GFRA1: variants seen among roughly 807,000 people sequenced by gnomAD.
GFRA1 encodes the protein GDNF family receptor alpha-1.
Under a neutral mutation model 51.6 loss-of-function variants are expected in GFRA1, and 16 were observed. The ratio of observed to expected loss-of-function variants is 0.31; its 90% CI spans 0.21 to 0.47. The LOEUF is 0.47. GFRA1 is among the 20% of genes least tolerant of loss of function. GFRA1 has a pLI of 1.00. For synonymous variants in GFRA1, 270 were observed against 241.3 expected (o/e 1.12, Z -1.10); for missense variants, 530 against 594.3 (o/e 0.89, Z 1.13).
Position 116,211,696 on chromosome 10 carries a change from G to A in GFRA1, c.419-51C>T, listed in dbSNP as rs186315190. The stretch of plus-strand genomic sequence containing the variant: ...GAGGGGAGAGGGGAGAAAGAGAGGA[G>A]AAAAAATATTAATAATAATGTTGAA... On this transcript the variant is annotated intron_variant, in intron 4 of 10. Coordinates refer to ENST00000355422, the MANE Select transcript of GFRA1 (RefSeq NM_005264.8). The A allele has an allele frequency of 2.9e-6, 4 of 1,356,254 alleles. No homozygotes were observed. In the African/African-American group the frequency reaches 4.3e-5, roughly 15 times the overall value. 84.0% of individuals were successfully genotyped at this position (1,356,254 alleles called of 1,614,324 possible).
In GFRA1 at chr10:116,064,339, G is replaced by GAAAC; in HGVS notation, c.*55_*58dup. The GAAAC allele has an allele frequency of 6.8e-7, 1 of 1,464,830 alleles. No homozygotes were observed. Among genetic ancestry groups the GAAAC allele is most frequent in the Non-Finnish European group, 9.5e-7 (1 of 1,051,868 alleles). The allele number at this position is 1,464,830 out of a possible 1,614,324, so 90.7% of individuals were successfully genotyped here. A position where few individuals can be genotyped will look rare whatever the true frequency, so the allele number is the denominator to read the frequency against. On this transcript the variant is annotated 3_prime_UTR_variant, in exon 11 of 11. Transcript: ENST00000355422. ...GAATTTCAGCTATACAAGAGAACAGGAAACAGATAACTTGGTTTTTGTCTT... is the reference window on the plus strand; with the variant it reads ...GAATTTCAGCTATACAAGAGAACAGGAAACAAACAGATAACTTGGTTTTTGTCTT...
chr10:116,267,940 A>AACACACACAC lies in GFRA1; in HGVS notation c.418+1553_418+1562dup, dbSNP rs58079628. On this transcript the variant is annotated intron_variant, in intron 4 of 10. Coordinates refer to ENST00000355422, the MANE Select transcript of GFRA1 (RefSeq NM_005264.8). ...TTATGCCAAAACAGACTGACAGACTAACACACACACACACACACACACACA... is the reference window on the plus strand; with the variant it reads ...TTATGCCAAAACAGACTGACAGACTAACACACACACACACACACACACACACACACACACA... Among the ~76,000 whole-genome samples the AACACACACAC allele has an allele frequency of 3.4e-4, 50 of 146,490 alleles. 1 individual carries two copies. The East Asian group carries it at 4.9e-3, about 14-fold the overall frequency.
At chr10:116,210,909 C>T (rs1589876140) in intron 5 of GFRA1, among the ~76,000 whole-genome samples, 1 of 152,286 alleles carries the variant, frequency 6.6e-6, no homozygotes, top group East Asian at 1.9e-4. Context: ...TGATAAAAAG[C>T]CAATTCCCCC....
chr10:116,221,741 T>C (rs1965940593), intron 4 of GFRA1, among the ~76,000 whole-genome samples: 1 of 152,166 alleles, frequency 6.6e-6, no homozygotes, highest in South Asian at 2.1e-4. Flanking sequence ...CATAATACTT[T>C]TAATATAATA....
At chr10:116,091,817 A>ATGAC (rs1589780185) in intron 8 of GFRA1, among the ~76,000 whole-genome samples, 1 of 152,180 alleles carries the variant, frequency 6.6e-6, no homozygotes, top group African/African-American at 2.4e-5. Context: ...TGGAAATGGA[A>ATGAC]TGACTGTGAA....
intron 5 of GFRA1, among the ~76,000 whole-genome samples, chr10:116,136,430 C>A (rs1958327902): frequency 6.6e-6 from 1 of 152,164 alleles, no homozygotes; most frequent in South Asian, 2.1e-4. Flanking sequence ...CTGCTTCTCC[C>A]CAGAGAAAAC....
At chr10:116,269,239 G>GA (rs5788147) in intron 4 of GFRA1, among the ~76,000 whole-genome samples, 24 of 147,826 alleles carry the variant, frequency 1.6e-4, no homozygotes, top group South Asian at 8.6e-4. Context: ...TTTTAATGTG[G>GA]AAAAAAAAAA....
intron 6 of GFRA1, among the ~76,000 whole-genome samples, chr10:116,099,254 C>T (rs146069202): frequency 6.6e-6 from 1 of 152,130 alleles, no homozygotes; most frequent in African/African-American, 2.4e-5. Context: ...TGAAAGTGGC[C>T]ATGGTGGAGG....
At chr10:116,216,061 C>T (rs1965540519) in intron 4 of GFRA1, among the ~76,000 whole-genome samples, 1 of 152,164 alleles carries the variant, frequency 6.6e-6, no homozygotes, top group South Asian at 2.1e-4. Context: ...TTTGCCCCTT[C>T]CCCCACAGCT....
chr10:116,182,155 G>A (rs959917364), intron 5 of GFRA1, among the ~76,000 whole-genome samples: 6 of 152,102 alleles, frequency 3.9e-5, no homozygotes, highest in Non-Finnish European at 7.4e-5. Context: ...GGCAGAAATG[G>A]GGAGTGCAGG....
chr10:116,076,343 C>T (rs146910884), intron 9 of GFRA1, among the ~76,000 whole-genome samples: 276 of 152,142 alleles, frequency 1.8e-3, no homozygotes, highest in African/African-American at 6.3e-3. Flanking sequence ...GACAGCCTTA[C>T]ATTGTTCCCA....
In GFRA1 at chr10:116,271,121, G is replaced by C. The variant is rs372156491; in HGVS notation, c.41-6C>G. 1.9e-6 allele frequency: 3 copies of C among 1,598,542 alleles called. No homozygotes were observed. The Admixed American group carries it at 5.0e-5, about 27-fold the overall frequency. On this transcript the variant is annotated splice_region_variant and splice_polypyrimidine_tract_variant and intron_variant, in intron 2 of 10. Transcript: ENST00000355422. ...TTCGGCCGACAGGAGCAAGTCTGCGGGGCAGAGGGGAGGGAGCCTGAGTGC... is the reference window on the plus strand; with the variant it reads ...TTCGGCCGACAGGAGCAAGTCTGCGCGGCAGAGGGGAGGGAGCCTGAGTGC...
At position 116,163,982 on chromosome 10, in the gene GFRA1, G is replaced by A. The variant is rs556213082; in HGVS notation, c.434-38425C>T. Among the ~76,000 whole-genome samples the A allele has an allele frequency of 2.0e-5, 3 of 152,246 alleles. No homozygotes were observed. The East Asian group carries it at 5.8e-4, about 29-fold the overall frequency. Reference sequence around the variant, plus strand: ...GACATGCTTCATAAATGGTCCCATCGAACCCCTTGGTGCTTCCTTTGCACT... The same window carrying A: ...GACATGCTTCATAAATGGTCCCATCAAACCCCTTGGTGCTTCCTTTGCACT... On this transcript the variant is annotated intron_variant, in intron 5 of 10. Transcript: ENST00000355422.
At chr10:116,184,087 T>C (rs1345958737) in intron 5 of GFRA1, among the ~76,000 whole-genome samples, 1 of 152,246 alleles carries the variant, frequency 6.6e-6, no homozygotes, top group African/African-American at 2.4e-5. Context: ...TCCCTCTGGA[T>C]GTCTTCTAAG....
intron 5 of GFRA1, among the ~76,000 whole-genome samples, chr10:116,165,941 C>G (rs749434574): frequency 6.6e-6 from 1 of 152,168 alleles, no homozygotes; most frequent in Non-Finnish European, 1.5e-5. Flanking sequence ...GATCTTCTCC[C>G]TCTTCTCACT....
At chr10:116,132,818 T>G (rs565260473) in intron 5 of GFRA1, among the ~76,000 whole-genome samples, 21 of 152,188 alleles carry the variant, frequency 1.4e-4, no homozygotes, top group African/African-American at 4.8e-4. Context: ...GGAGAATGAT[T>G]CAATTTACAC....
At chr10:116,248,501 G>A (rs900396138) in intron 4 of GFRA1, among the ~76,000 whole-genome samples, 1 of 152,174 alleles carries the variant, frequency 6.6e-6, no homozygotes, top group Admixed American at 6.5e-5. Context: ...TTCACTAGAA[G>A]GTCCCTCAGG....
At chr10:116,110,675 G>C (rs1477512429) in intron 6 of GFRA1, among the ~76,000 whole-genome samples, 1 of 152,166 alleles carries the variant, frequency 6.6e-6, no homozygotes, top group Non-Finnish European at 1.5e-5. Context: ...CTGGCACCTA[G>C]CACATGCCTG....
intron 5 of GFRA1, among the ~76,000 whole-genome samples, chr10:116,130,723 A>C (rs2134048466): frequency 6.6e-6 from 1 of 152,262 alleles, no homozygotes; most frequent in South Asian, 2.1e-4. Flanking sequence ...AGAAAAACCC[A>C]AATACAAACA....
Sources: allele counts gnomAD v4.1 joint callset (sites outside exome capture counted in the v4.1 genomes callset), GRCh38; gene constraint gnomAD v4.1.1; transcripts MANE v1.5; gene names NCBI Gene and HGNC (gene_info 2026-07-23, HGNC 2026-07-21).